The following RANBP2 variants were observed in gnomAD, a reference collection of about 807,000 sequenced individuals.
The protein encoded by RANBP2 is E3 SUMO-protein ligase RanBP2.
Under a neutral mutation model 303.6 loss-of-function variants are expected in RANBP2, and 57 were observed. The observed-to-expected ratio is 0.19, with a 90% CI of 0.15 to 0.23. The LOEUF (loss-of-function observed/expected upper bound fraction) is 0.23, where lower values mean the gene tolerates loss of function less well. Ranked by LOEUF, RANBP2 falls within the 10% of genes least tolerant of loss-of-function variation. The pLI is 1.00. For missense variants in RANBP2, 3,138 were observed against 3,780.8 expected (o/e 0.83, Z 4.46); for synonymous variants, 1,167 against 1,301.5 (o/e 0.90, Z 2.23).
the RANBP2 span, among the ~76,000 whole-genome samples, chr2:109,467,568 AG>A: frequency 6.6e-6 from 1 of 152,234 alleles, no homozygotes; most frequent in Non-Finnish European, 1.5e-5. Context: ...GGGCTGCTGC[AG>A]GGGGATCTGC....
chr2:108,789,629 C>G (rs1308014270), downstream of RANBP2, among the ~76,000 whole-genome samples: 1 of 152,084 alleles, frequency 6.6e-6, no homozygotes, highest in Non-Finnish European at 1.5e-5. Flanking sequence ...AACTGCCATA[C>G]AGGTTTTGTT....
the RANBP2 span, among the ~76,000 whole-genome samples, chr2:108,817,775 A>G: frequency 6.6e-6 from 1 of 152,210 alleles, no homozygotes; most frequent in Non-Finnish European, 1.5e-5. Flanking sequence ...TGGCTGGCTG[A>G]GACCCATTTT....
At chr2:109,143,550 C>T in the RANBP2 span, among the ~76,000 whole-genome samples, 2 of 151,980 alleles carry the variant, frequency 1.3e-5, no homozygotes, top group South Asian at 4.2e-4. Context: ...TGAGACCAGC[C>T]TGGGCAACAT....
At chr2:109,544,469 T>G in the RANBP2 span, 1 of 1,377,328 alleles carries the variant, frequency 7.3e-7, no homozygotes, top group African/African-American at 1.5e-5. Context: ...CAAACCATAT[T>G]TTCTTGAAGA....
At chr2:108,850,618 A>G in the RANBP2 span, among the ~76,000 whole-genome samples, 1 of 151,464 alleles carries the variant, frequency 6.6e-6, no homozygotes, top group Non-Finnish European at 1.5e-5. Context: ...CACCCTGCTA[A>G]TTTTTTCTAT....
chr2:109,350,989 C>T, the RANBP2 span, among the ~76,000 whole-genome samples: 7 of 152,222 alleles, frequency 4.6e-5, no homozygotes, highest in African/African-American at 1.7e-4. Context: ...TTGGTGTTTG[C>T]TTTTGAATAG....
chr2:109,468,090 T>C, the RANBP2 span, among the ~76,000 whole-genome samples: 2 of 152,232 alleles, frequency 1.3e-5, no homozygotes, highest in Admixed American at 6.5e-5. Flanking sequence ...GATACGGTCA[T>C]GTGTCACTTA....
At chr2:109,609,737 G>GA in the RANBP2 span, among the ~76,000 whole-genome samples, 1 of 151,974 alleles carries the variant, frequency 6.6e-6, no homozygotes, top group African/African-American at 2.4e-5. Flanking sequence ...AACTGAGAAG[G>GA]AATGAGAAAA....
At chr2:109,636,261 A>G in the RANBP2 span, among the ~76,000 whole-genome samples, 3 of 152,226 alleles carry the variant, frequency 2.0e-5, no homozygotes, top group African/African-American at 2.4e-5. Context: ...TAATCTGATG[A>G]TGGTTTAGAA....
the RANBP2 span, among the ~76,000 whole-genome samples, chr2:109,020,813 A>C: frequency 6.6e-6 from 1 of 152,230 alleles, no homozygotes; most frequent in Non-Finnish European, 1.5e-5. Flanking sequence ...GCTTTGTGAA[A>C]AGCTATAGCA....
At chr2:109,357,205 G>A in the RANBP2 span, among the ~76,000 whole-genome samples, 1 of 150,240 alleles carries the variant, frequency 6.7e-6, no homozygotes, top group African/African-American at 2.4e-5. Context: ...TTTTTGAGAC[G>A]GAGTCTTACT....
the RANBP2 span, among the ~76,000 whole-genome samples, chr2:109,462,566 G>A: frequency 6.6e-6 from 1 of 152,076 alleles, no homozygotes; most frequent in Non-Finnish European, 1.5e-5. Flanking sequence ...AGTCTTTGAT[G>A]GTGGCACTAA....
the RANBP2 span, among the ~76,000 whole-genome samples, chr2:109,334,082 G>C: frequency 3.6e-4 from 55 of 152,294 alleles, no homozygotes; most frequent in Non-Finnish European, 5.4e-4. Context: ...CTCAAAACCA[G>C]GTTCAGAGGC....
the RANBP2 span, among the ~76,000 whole-genome samples, chr2:108,807,673 A>G: frequency 6.6e-6 from 1 of 152,152 alleles, no homozygotes; most frequent in Non-Finnish European, 1.5e-5. Context: ...GCAGGAGTGC[A>G]GTGGCATGAT....
the RANBP2 span, among the ~76,000 whole-genome samples, chr2:108,811,247 C>CTTTTT: frequency 6.1e-5 from 7 of 113,906 alleles, no homozygotes; most frequent in South Asian, 3.0e-4. Flanking sequence ...TTCTCTCTCT[C>CTTTTT]TTTTTTTTTT....
chr2:109,066,868 AC>A, the RANBP2 span, among the ~76,000 whole-genome samples: 1 of 151,116 alleles, frequency 6.6e-6, no homozygotes, highest in Non-Finnish European at 1.5e-5. Flanking sequence ...GGTTCCAAGA[AC>A]CCCCCAGGAA....
At chr2:109,002,145 C>A in the RANBP2 span, among the ~76,000 whole-genome samples, 2 of 152,210 alleles carry the variant, frequency 1.3e-5, no homozygotes, top group Admixed American at 6.5e-5. Flanking sequence ...TGCTGTCCCC[C>A]AACTCTTTCT....
the RANBP2 span, chr2:109,545,160 G>A: frequency 1.2e-5 from 12 of 984,640 alleles, no homozygotes; most frequent in Non-Finnish European, 1.3e-5. Flanking sequence ...AGCATGCAAC[G>A]CTGCTAGCAC....
chr2:109,342,825 C>T, the RANBP2 span, among the ~76,000 whole-genome samples: 6 of 152,312 alleles, frequency 3.9e-5, no homozygotes, highest in Admixed American at 3.3e-4. Flanking sequence ...GATGTGTGTG[C>T]CACATCTGAG....
Sources: allele counts gnomAD v4.1 joint callset (sites outside exome capture counted in the v4.1 genomes callset), GRCh38; gene constraint gnomAD v4.1.1; transcripts MANE v1.5; gene names NCBI Gene and HGNC (gene_info 2026-07-23, HGNC 2026-07-21).